The following MGAT4C variants were observed in gnomAD, a reference collection of about 807,000 sequenced individuals.
The protein encoded by MGAT4C is MGAT4 family member C.
Under a neutral mutation model 40.1 loss-of-function variants are expected in MGAT4C, and 19 were observed. The observed-to-expected ratio is 0.47, with a 90% CI of 0.33 to 0.70. The LOEUF (loss-of-function observed/expected upper bound fraction) is 0.70. Ranked by LOEUF, MGAT4C falls within the 30% of genes least tolerant of loss-of-function variation. MGAT4C has a pLI of 0.02. For missense variants in MGAT4C, 491 were observed against 563.2 expected, an observed-to-expected ratio of 0.87 and a Z score of 1.30; for synonymous variants, 181 against 187.1, an observed-to-expected ratio of 0.97 and a Z score of 0.27.
At chr12:86,468,628 C>A (rs942030693) in intron 2 of MGAT4C, among the ~76,000 whole-genome samples, 11 of 152,018 alleles carry the variant, frequency 7.2e-5, no homozygotes, top group African/African-American at 2.7e-4. Flanking sequence ...GCCTATAAAG[C>A]CTTACATGAA....
At chr12:86,029,946 T>A (rs1006145060) in intron 2 of MGAT4C, among the ~76,000 whole-genome samples, 2 of 151,860 alleles carry the variant, frequency 1.3e-5, no homozygotes, top group Admixed American at 1.3e-4. Flanking sequence ...AACATTAAGT[T>A]TCTTAACAAC....
At chr12:86,665,419 T>C (rs139313913) in intron 2 of MGAT4C, among the ~76,000 whole-genome samples, 19,462 of 151,888 alleles carry the variant, frequency 0.13, 1,891 homozygotes, top group African/African-American at 0.27. Context: ...CTCTGTCACC[T>C]CGGCTGGAGT....
At chr12:86,545,623 T>C (rs989439020) in intron 2 of MGAT4C, among the ~76,000 whole-genome samples, 4 of 151,996 alleles carry the variant, frequency 2.6e-5, no homozygotes, top group African/African-American at 9.7e-5. Flanking sequence ...AATGTTTGTT[T>C]AGGATTTTAG....
At chr12:86,153,550 G>A (rs1008169931) in intron 1 of MGAT4C, among the ~76,000 whole-genome samples, 5 of 152,148 alleles carry the variant, frequency 3.3e-5, no homozygotes, top group Non-Finnish European at 5.9e-5. Flanking sequence ...ATCTCTCATT[G>A]TAATCACCAT....
intron 2 of MGAT4C, among the ~76,000 whole-genome samples, chr12:86,026,323 T>C (rs1336764544): frequency 6.6e-6 from 1 of 151,484 alleles, no homozygotes; most frequent in African/African-American, 2.4e-5. Flanking sequence ...TGCATGTGCA[T>C]GCACATGCAC....
At chr12:86,329,440 C>T (rs564340573) in intron 4 of MGAT4C, among the ~76,000 whole-genome samples, 63 of 152,222 alleles carry the variant, frequency 4.1e-4, no homozygotes, top group East Asian at 7.7e-4. Context: ...AACTTTTATC[C>T]ATAGCAGCTG....
chr12:86,795,616 AAG>A (rs374665523), intron 1 of MGAT4C, among the ~76,000 whole-genome samples: 2,643 of 148,068 alleles, frequency 0.018, 24 homozygotes, highest in African/African-American at 0.034. Context: ...GAGAGAGAGA[AAG>A]AGAGAGAGAG....
intron 2 of MGAT4C, among the ~76,000 whole-genome samples, chr12:86,637,346 A>G (rs1443768976): frequency 1.3e-5 from 2 of 151,962 alleles, no homozygotes; most frequent in Non-Finnish European, 2.9e-5. Flanking sequence ...TTAAAATTTT[A>G]GCTTGGTATT....
rs1884114243 is a variant in MGAT4C at position 85,977,806 on chromosome 12, ACACACACAC to A, written c.*1474_*1482del. On this transcript the variant is annotated 3_prime_UTR_variant, in exon 5 of 5. Coordinates refer to ENST00000611864, the MANE Select transcript of MGAT4C (RefSeq NM_001351288.2). The stretch of plus-strand genomic sequence containing the variant: ...CACACACACACACACACACACACAC[ACACACACAC>A]ACACACACACACACACACAGAGTCA... 7.7e-6 allele frequency: 1 copy of A among 130,072 alleles called. No individual in the cohort carries two copies. The highest frequency in any genetic ancestry group is 1.8e-5 in the Non-Finnish European group (1 of 54,230). The allele number at this position is 130,072 out of a possible 1,614,324, so 8.1% of individuals were successfully genotyped here.
chr12:86,388,408 G>A (rs957198087), intron 3 of MGAT4C, among the ~76,000 whole-genome samples: 2 of 152,188 alleles, frequency 1.3e-5, no homozygotes, highest in South Asian at 2.1e-4. Flanking sequence ...GGAATGAGAA[G>A]TTAGCTCATT....
intron 1 of MGAT4C, among the ~76,000 whole-genome samples, chr12:86,252,436 C>T (rs2465142): frequency 0.82 from 123,974 of 151,890 alleles, 50,838 homozygotes; most frequent in East Asian, 0.95. Context: ...TATCTAAAAA[C>T]AATTTATCTT....
At chr12:86,499,814 A>T (rs1565806262) in intron 2 of MGAT4C, among the ~76,000 whole-genome samples, 1 of 151,996 alleles carries the variant, frequency 6.6e-6, no homozygotes, top group Non-Finnish European at 1.5e-5. Context: ...ACTAGAGAAG[A>T]GAAATAAAAA....
intron 4 of MGAT4C, among the ~76,000 whole-genome samples, chr12:86,294,806 C>T (rs1228103391): frequency 6.6e-6 from 1 of 151,970 alleles, no homozygotes; most frequent in Non-Finnish European, 1.5e-5. Context: ...TATCAGAACT[C>T]CCTCAACTCA....
chr12:86,480,014 CTAAA>C (rs1957906312), intron 2 of MGAT4C, among the ~76,000 whole-genome samples: 1 of 151,742 alleles, frequency 6.6e-6, no homozygotes, highest in South Asian at 2.1e-4. Flanking sequence ...ACATAATACC[CTAAA>C]TAAATATCTT....
chr12:86,576,766 T>G (rs1960576454), intron 2 of MGAT4C, among the ~76,000 whole-genome samples: 2 of 151,762 alleles, frequency 1.3e-5, no homozygotes, highest in Admixed American at 1.3e-4. Flanking sequence ...ATTCTTCCAG[T>G]TTTGTTCTTT....
At chr12:86,795,601 G>GGAGA (rs149027589) in intron 1 of MGAT4C, among the ~76,000 whole-genome samples, 2 of 151,016 alleles carry the variant, frequency 1.3e-5, no homozygotes, top group African/African-American at 4.9e-5. Context: ...GACAGAGAAA[G>GGAGA]GAGAGAGAGA....
chr12:86,610,046 A>C (rs904157418), intron 2 of MGAT4C, among the ~76,000 whole-genome samples: 4 of 152,182 alleles, frequency 2.6e-5, no homozygotes, highest in Non-Finnish European at 4.4e-5. Flanking sequence ...CTTTGCTAAA[A>C]ATTTTTTGAA....
chr12:86,817,562 G>A (rs1366340215), intron 1 of MGAT4C, among the ~76,000 whole-genome samples: 1 of 151,218 alleles, frequency 6.6e-6, no homozygotes, highest in Non-Finnish European at 1.5e-5. Flanking sequence ...GTTTAATCTA[G>A]CATTTATTGA....
intron 2 of MGAT4C, among the ~76,000 whole-genome samples, chr12:86,603,698 AT>A (rs1961918240): frequency 7.6e-6 from 1 of 130,998 alleles, no homozygotes; most frequent in South Asian, 2.3e-4. Context: ...TAGACTATAT[AT>A]TATCTATAGT....
Sources: allele counts gnomAD v4.1 joint callset (sites outside exome capture counted in the v4.1 genomes callset), GRCh38; gene constraint gnomAD v4.1.1; transcripts MANE v1.5; gene names NCBI Gene and HGNC (gene_info 2026-07-23, HGNC 2026-07-21).